The following NUFIP2 variants were observed in gnomAD, a reference collection of about 807,000 sequenced individuals.
The protein encoded by NUFIP2 is FMR1-interacting protein NUFIP2.
NUFIP2 carries 6 observed loss-of-function variants against 56.9 expected under a neutral mutation model. That is an observed-to-expected ratio of 0.11 (90% CI 0.06 to 0.21). The LOEUF is 0.21. NUFIP2 is among the 10% of genes least tolerant of loss of function. The probability of loss-of-function intolerance (pLI) is 1.00; values close to 1 mark genes in which losing one functional copy is unlikely to be tolerated. For missense variants in NUFIP2, 828 were observed against 826.8 expected (o/e 1.00, Z -0.02); for synonymous variants, 321 against 298.2 (o/e 1.08, Z -0.79).
chr17:29,269,941 C>T lies in NUFIP2; in HGVS notation c.2003-2411G>A, dbSNP rs535757455. Among the ~76,000 whole-genome samples the T allele has an allele frequency of 2.8e-4, 42 of 152,006 alleles. No homozygotes were observed. The Middle Eastern group carries it at 0.01, about 37-fold the overall frequency. On this transcript the variant is annotated intron_variant, in intron 2 of 3. Transcript: ENST00000225388. ...TTCACCGTGTTAGCCAGGGTGGTCT[C>T]GAACTTCTGATCTTGTGATCCACCC...
chr17:29,285,085 G>A (rs2069164073), intron 2 of NUFIP2, among the ~76,000 whole-genome samples: 1 of 152,074 alleles, frequency 6.6e-6, no homozygotes, highest in Non-Finnish European at 1.5e-5. Flanking sequence ...GGCGGATCAC[G>A]AGGTCAGAAG....
chr17:29,267,993 G>C (rs1158924445), intron 2 of NUFIP2, among the ~76,000 whole-genome samples: 2 of 152,098 alleles, frequency 1.3e-5, no homozygotes, highest in Admixed American at 6.5e-5. Context: ...CCGCCTCTCG[G>C]GTTCCAGCGC....
Position 29,256,729 on chromosome 17 carries a change from A to AT in NUFIP2, c.*7809dup, listed in dbSNP as rs2068973523. The AT allele has an allele frequency of 1.3e-5, 2 of 152,338 alleles. No homozygotes were observed. The highest frequency in any genetic ancestry group is 3.9e-4 in the East Asian group (2 of 5,190). The allele number at this position is 152,338 out of a possible 1,614,324, so 9.4% of individuals were successfully genotyped here. On this transcript the variant is annotated 3_prime_UTR_variant, in exon 4 of 4. Transcript: ENST00000225388. ...CTGGGTAGTAGTACATCTACACATT[A>AT]TAAGTACACATACACAAAGTAAAGC... is the stretch of plus-strand genomic sequence containing the variant.
intron 2 of NUFIP2, among the ~76,000 whole-genome samples, 194 bp downstream of exon 2, chr17:29,285,798 T>C (rs941445191): frequency 2.0e-5 from 3 of 152,138 alleles, no homozygotes; most frequent in Non-Finnish European, 4.4e-5. Flanking sequence ...GTTGGAAAAG[T>C]GAACATTTCT....
intron 2 of NUFIP2, among the ~76,000 whole-genome samples, chr17:29,281,925 C>T (rs964108995): frequency 1.3e-5 from 2 of 151,858 alleles, no homozygotes; most frequent in East Asian, 4.0e-4. Flanking sequence ...CTACCACGCC[C>T]GGCTAATTTT....
chr17:29,278,012 A>G (rs1463079421), intron 2 of NUFIP2, among the ~76,000 whole-genome samples: 1 of 152,108 alleles, frequency 6.6e-6, no homozygotes, highest in Non-Finnish European at 1.5e-5. Flanking sequence ...AACTCAATCA[A>G]AAAGGGAAAG....
rs558547080 is a variant in NUFIP2, at chr17:29,268,710, G to T, written c.2003-1180C>A. Among the ~76,000 whole-genome samples, 27 of 151,576 alleles carry T rather than the reference G, an allele frequency of 1.8e-4. No homozygotes were observed. The South Asian group carries it at 5.4e-3, about 30-fold the overall frequency. On this transcript the variant is annotated intron_variant, in intron 2 of 3. Coordinates refer to ENST00000225388, the MANE Select transcript of NUFIP2 (RefSeq NM_020772.3). ...TTTTGTATATATATATTTTTTTTTA[G>T]TAGAGAGGGGGTTTCTCCTTGTTTG...
intron 2 of NUFIP2, among the ~76,000 whole-genome samples, chr17:29,272,150 T>C (rs1238571066): frequency 6.8e-6 from 1 of 147,598 alleles, no homozygotes; most frequent in African/African-American, 2.5e-5. Flanking sequence ...ACATTATCGA[T>C]AGAACACATA....
At position 29,260,043 on chromosome 17, in the gene NUFIP2, GTTGA is replaced by G. The variant is rs1486127382; in HGVS notation, c.*4492_*4495del. On this transcript the variant is annotated 3_prime_UTR_variant, in exon 4 of 4. Transcript: ENST00000225388. ...CACCATGAAAGAATCTTGGTGCTCT[GTTGA>G]TTAATTACATTAGTAAAAATAACAT... 2.5e-4 allele frequency: 38 copies of G among 152,202 alleles called. No individual in the cohort carries two copies. Among genetic ancestry groups the G allele is most frequent in the African/African-American group, 8.4e-4 (35 of 41,452 alleles). 9.4% of individuals were successfully genotyped at this position (152,202 alleles called of 1,614,324 possible).
At position 29,258,582 on chromosome 17, in the gene NUFIP2, G is replaced by A. The variant is rs2068983586; in HGVS notation, c.*5957C>T. The A allele has an allele frequency of 1.3e-5, 2 of 152,112 alleles. No homozygotes were observed. The highest frequency in any genetic ancestry group is 2.9e-5 in the Non-Finnish European group (2 of 67,996). 9.4% of individuals were successfully genotyped at this position (152,112 alleles called of 1,614,324 possible). On this transcript the variant is annotated 3_prime_UTR_variant, in exon 4 of 4. Transcript: ENST00000225388. Reference sequence around the variant, plus strand: ...GAGGGAATAATAGAAACAAAGCTAAGATTTAAACTATTTTCAGTAGTAGAA... The same window carrying A: ...GAGGGAATAATAGAAACAAAGCTAAAATTTAAACTATTTTCAGTAGTAGAA...
In NUFIP2 at chr17:29,255,850, AT is replaced by A; in HGVS notation, c.*8688del. On this transcript the variant is annotated 3_prime_UTR_variant, in exon 4 of 4. Coordinates refer to ENST00000225388, the MANE Select transcript of NUFIP2 (RefSeq NM_020772.3). ...TAACAAACACCTCAGAAACTTTAAA[AT>A]TTTTTATTCAACAATGTACACTTAT... 6.6e-6 allele frequency: 1 copy of A among 152,288 alleles called. No individual in the cohort carries two copies. The highest frequency in any genetic ancestry group is 1.5e-5 in the Non-Finnish European group (1 of 68,022). 9.4% of individuals were successfully genotyped at this position (152,288 alleles called of 1,614,324 possible).
rs1486101064 is a variant in NUFIP2, at chr17:29,262,411, CA to C, written c.*2127del. On this transcript the variant is annotated 3_prime_UTR_variant, in exon 4 of 4. Coordinates refer to ENST00000225388, the MANE Select transcript of NUFIP2 (RefSeq NM_020772.3). ...TTGAAAATTTTTATTTAAAAAAACACAAAAACACAGACTTTTTTCACTTCAG... is the reference window on the plus strand; with the variant it reads ...TTGAAAATTTTTATTTAAAAAAACACAAAACACAGACTTTTTTCACTTCAG... 2 of 151,722 alleles carry C rather than the reference CA, an allele frequency of 1.3e-5. No homozygotes were observed. Among genetic ancestry groups the C allele is most frequent in the African/African-American group, 4.9e-5 (2 of 41,128 alleles). 9.4% of individuals were successfully genotyped at this position (151,722 alleles called of 1,614,324 possible).
intron 2 of NUFIP2, among the ~76,000 whole-genome samples, chr17:29,267,878 C>T (rs1455978508): frequency 6.6e-6 from 1 of 152,042 alleles, no homozygotes; most frequent in African/African-American, 2.4e-5. Context: ...CCTCCTGCCT[C>T]AGGCGTGAGC....
intron 1 of NUFIP2, 59 bp downstream of exon 1, chr17:29,293,724 C>G (rs2069233034): frequency 7.7e-7 from 1 of 1,295,822 alleles, no homozygotes. Context: ...CAGCCCCACC[C>G]CCATCTCTCC....
chr17:29,261,049 G>T lies in NUFIP2; in HGVS notation c.*3490C>A, dbSNP rs1054631877. The T allele has an allele frequency of 9.9e-5, 15 of 152,102 alleles. No individual in the cohort carries two copies. The highest frequency in any genetic ancestry group is 3.6e-4 in the African/African-American group (15 of 41,438). The allele number at this position is 152,102 out of a possible 1,614,324, so 9.4% of individuals were successfully genotyped here. A position where few individuals can be genotyped will look rare whatever the true frequency, so the allele number is the denominator to read the frequency against. On this transcript the variant is annotated 3_prime_UTR_variant, in exon 4 of 4. Transcript: ENST00000225388. ...AACTTCAGTTCAGCAAAGTGGGGGT[G>T]AATAAAGAGAAAGATAATACACCCT...
intron 2 of NUFIP2, among the ~76,000 whole-genome samples, chr17:29,277,214 C>T (rs944357992): frequency 1.3e-5 from 2 of 151,738 alleles, no homozygotes; most frequent in African/African-American, 2.4e-5. Context: ...TAGTAGAGAC[C>T]GGGTTTCACC....
chr17:29,286,743 C>T lies in NUFIP2; in HGVS notation c.1251G>A (p.Gly417=), dbSNP rs753594345. 3.7e-6 allele frequency: 6 copies of T among 1,613,994 alleles called. No individual in the cohort carries two copies. In the East Asian group the frequency reaches 1.1e-4, roughly 30 times the overall value. Residue 417 remains glycine (G), a synonymous_variant, in exon 2 of 4, where the codon GGG becomes GGA. Coordinates refer to ENST00000225388, the MANE Select transcript of NUFIP2 (RefSeq NM_020772.3). ...TTCCATCAGTCCCTGCTAAAACAGGCCCATTAGAAAAGTTGGCAGAAGTAA... is the reference window on the plus strand; with the variant it reads ...TTCCATCAGTCCCTGCTAAAACAGGTCCATTAGAAAAGTTGGCAGAAGTAA... ...KSVTSANFSN[G]PVLAGTDGNV... is the part of the protein sequence containing the mutation.
rs576646800 is a variant in NUFIP2, at chr17:29,275,495, A to C, written c.2003-7965T>G. 6.6e-5 allele frequency among the ~76,000 whole-genome samples: 10 copies of C among 152,202 alleles called. No individual in the cohort carries two copies. In the East Asian group the frequency reaches 1.9e-3, roughly 29 times the overall value. On this transcript the variant is annotated intron_variant, in intron 2 of 3. Transcript: ENST00000225388. ...ATATAAGAGTGGGTAGAGTCAAGGA[A>C]ATTCAAACTAAGGAATTTACAGAGG...
At chr17:29,270,251 A>G (rs1008941720) in intron 2 of NUFIP2, among the ~76,000 whole-genome samples, 6 of 151,806 alleles carry the variant, frequency 4.0e-5, no homozygotes, top group African/African-American at 7.3e-5. Context: ...ACACCTATCC[A>G]AAGAAAGGCA....
Sources: allele counts gnomAD v4.1 joint callset (sites outside exome capture counted in the v4.1 genomes callset), GRCh38; gene constraint gnomAD v4.1.1; transcripts MANE v1.5; gene names NCBI Gene and HGNC (gene_info 2026-07-23, HGNC 2026-07-21).